The following PPP1R1C variants were observed in gnomAD, a reference collection of about 807,000 sequenced individuals.
The protein encoded by PPP1R1C is protein phosphatase 1 regulatory subunit 1C.
PPP1R1C carries 15 observed loss-of-function variants against 17.4 expected under a neutral mutation model. The observed-to-expected ratio is 0.86, with a 90% CI of 0.58 to 1.33. The LOEUF is 1.33. Among genes scored for constraint, PPP1R1C ranks in the 40% most tolerant of loss-of-function variants. PPP1R1C has a pLI of 0.00. For synonymous variants in PPP1R1C, 35 were observed against 43.1 expected, an observed-to-expected ratio of 0.81 and a Z score of 0.73; for missense variants, 143 against 130.0, an observed-to-expected ratio of 1.10 and a Z score of -0.48.
At chr2:182,084,235 A>G (rs1183795942) in intron 4 of PPP1R1C, among the ~76,000 whole-genome samples, 1 of 151,942 alleles carries the variant, frequency 6.6e-6, no homozygotes, top group African/African-American at 2.4e-5. Context: ...TACTCTGATA[A>G]TTATTTCTTT....
intron 2 of PPP1R1C, among the ~76,000 whole-genome samples, chr2:182,029,264 G>C (rs965320610): frequency 6.6e-6 from 1 of 151,072 alleles, no homozygotes; most frequent in Non-Finnish European, 1.5e-5. Context: ...TATGATGTTA[G>C]CTGGTTATTT....
At chr2:182,092,453 AT>A (rs1220304036) in intron 4 of PPP1R1C, among the ~76,000 whole-genome samples, 1 of 152,136 alleles carries the variant, frequency 6.6e-6, no homozygotes, top group Non-Finnish European at 1.5e-5. Flanking sequence ...CCCAAATCTC[AT>A]TTCTTCACAT....
intron 2 of PPP1R1C, among the ~76,000 whole-genome samples, chr2:182,017,045 C>G (rs1686281779): frequency 6.6e-6 from 1 of 152,182 alleles, no homozygotes; most frequent in African/African-American, 2.4e-5. Context: ...CATCTTTGAA[C>G]AGGTTGAGCC....
intron 2 of PPP1R1C, among the ~76,000 whole-genome samples, chr2:182,019,110 C>T (rs1387903566): frequency 1.3e-5 from 2 of 152,050 alleles, no homozygotes; most frequent in Non-Finnish European, 2.9e-5. Context: ...TTCTTATACA[C>T]AACAACTCAA....
chr2:181,973,350 A>C lies in PPP1R1C; in HGVS notation n.112-1869A>C, dbSNP rs575419647. Reference sequence around the variant, plus strand: ...ATTCTGCATGGAAACATAGGCAAGCACTCAAGAACAGCTCTTTTGCAGAGT... The same window carrying C: ...ATTCTGCATGGAAACATAGGCAAGCCCTCAAGAACAGCTCTTTTGCAGAGT... On this transcript the variant is annotated intron_variant and non_coding_transcript_variant, in intron 1 of 5. Coordinates refer to the PPP1R1C transcript ENST00000464264. Among the ~76,000 whole-genome samples the C allele has an allele frequency of 1.0e-3, 158 of 152,338 alleles. 1 individual carries two copies. The highest frequency in any genetic ancestry group is 3.7e-3 in the African/African-American group (153 of 41,584).
chr2:182,043,424 C>A (rs1278512517), intron 2 of PPP1R1C, among the ~76,000 whole-genome samples: 2 of 152,254 alleles, frequency 1.3e-5, no homozygotes, highest in Non-Finnish European at 2.9e-5. Flanking sequence ...TCTGATTTAT[C>A]TGCCGTAATG....
At chr2:182,056,628 G>A (rs986724555) in intron 2 of PPP1R1C, among the ~76,000 whole-genome samples, 3 of 152,082 alleles carry the variant, frequency 2.0e-5, no homozygotes, top group African/African-American at 7.2e-5. Context: ...CTAAGAAATT[G>A]AGTCTCTTCT....
chr2:182,065,384 A>C (rs547475039), intron 4 of PPP1R1C, among the ~76,000 whole-genome samples: 68 of 152,298 alleles, frequency 4.5e-4, no homozygotes, highest in African/African-American at 1.6e-3. Context: ...AAATATTTTA[A>C]GACAAAATGA....
At chr2:182,074,234 G>A (rs1471588777) in intron 4 of PPP1R1C, among the ~76,000 whole-genome samples, 1 of 151,734 alleles carries the variant, frequency 6.6e-6, no homozygotes, top group African/African-American at 2.4e-5. Flanking sequence ...GTAGAGACGG[G>A]GTTTCACCAT....
intron 1 of PPP1R1C, among the ~76,000 whole-genome samples, chr2:181,987,071 C>A (rs1285791055): frequency 1.3e-5 from 2 of 152,028 alleles, no homozygotes. Flanking sequence ...ATAAATGTAT[C>A]CTTGAACATG....
At chr2:182,086,810 G>A (rs930907198) in intron 4 of PPP1R1C, among the ~76,000 whole-genome samples, 1 of 151,960 alleles carries the variant, frequency 6.6e-6, no homozygotes, top group Non-Finnish European at 1.5e-5. Flanking sequence ...CACAGTAACT[G>A]TCTGTGTAAG....
chr2:182,001,550 C>T (rs1042680840), intron 2 of PPP1R1C, among the ~76,000 whole-genome samples: 8 of 152,090 alleles, frequency 5.3e-5, no homozygotes, highest in Admixed American at 5.2e-4. Context: ...TGGTCATATA[C>T]TTTCCTTCCA....
chr2:181,982,750 A>T (rs565270379), upstream of PPP1R1C, among the ~76,000 whole-genome samples: 144 of 152,228 alleles, frequency 9.5e-4, no homozygotes, highest in Admixed American at 3.3e-3. Flanking sequence ...AGCCTGTAGG[A>T]GGGTCTTGAG....
intron 5 of PPP1R1C, among the ~76,000 whole-genome samples, chr2:182,124,328 T>TTTTTTTTG (rs1689817819): frequency 1.8e-5 from 1 of 55,600 alleles, no homozygotes; most frequent in African/African-American, 4.7e-5. Flanking sequence ...TTTTTTTTTG[T>TTTTTTTTG]TTTTTTTTTT....
chr2:181,989,242 C>T (rs528522942), intron 2 of PPP1R1C, among the ~76,000 whole-genome samples: 84 of 152,274 alleles, frequency 5.5e-4, no homozygotes, highest in Non-Finnish European at 1.0e-3. Context: ...GGTCTATAGG[C>T]ATCATTGCTG....
At chr2:182,072,970 C>G (rs1217718360) in intron 4 of PPP1R1C, among the ~76,000 whole-genome samples, 3 of 152,164 alleles carry the variant, frequency 2.0e-5, no homozygotes, top group Non-Finnish European at 2.9e-5. Flanking sequence ...GTACAGGTCT[C>G]TTTATGACCT....
At chr2:181,991,387 A>G (rs1305617326) in intron 2 of PPP1R1C, among the ~76,000 whole-genome samples, 1 of 152,210 alleles carries the variant, frequency 6.6e-6, no homozygotes, top group African/African-American at 2.4e-5. Context: ...TAGAAGCACT[A>G]TGTAAACAGA....
At chr2:182,085,647 T>G (rs1164281776) in intron 4 of PPP1R1C, among the ~76,000 whole-genome samples, 2 of 152,180 alleles carry the variant, frequency 1.3e-5, no homozygotes, top group Non-Finnish European at 2.9e-5. Context: ...AAGAATTTGC[T>G]GCATGTAATG....
At chr2:182,111,065 C>T (rs148422542) in intron 4 of PPP1R1C, among the ~76,000 whole-genome samples, 82 of 152,032 alleles carry the variant, frequency 5.4e-4, no homozygotes, top group African/African-American at 1.6e-3. Context: ...GGGCTCTTTA[C>T]GTTTTGATAA....
Sources: allele counts gnomAD v4.1 joint callset (sites outside exome capture counted in the v4.1 genomes callset), GRCh38; gene constraint gnomAD v4.1.1; transcripts MANE v1.5; gene names NCBI Gene and HGNC (gene_info 2026-07-23, HGNC 2026-07-21).